Variants in TCF12 observed in about 807,000 individuals in gnomAD.
TCF12 encodes DNA-binding protein HTF4.
TCF12 carries 45 observed loss-of-function variants against 86.0 expected under a neutral mutation model. That is an observed-to-expected ratio of 0.52 (90% CI 0.41 to 0.67). The LOEUF is 0.67. Ranked by LOEUF, TCF12 falls within the 30% of genes least tolerant of loss-of-function variation. The pLI is 0.00. For synonymous variants in TCF12, 330 were observed against 299.6 expected (o/e 1.10, Z -1.05); for missense variants, 881 against 859.9 (o/e 1.02, Z -0.31).
chr15:57,214,510 T>A (rs1332013840), intron 8 of TCF12: 1 of 152,218 alleles, frequency 6.6e-6, no homozygotes, highest in Non-Finnish European at 1.5e-5. Flanking sequence ...ATTGGCTATA[T>A]AGGTAGGTGT....
At chr15:57,069,764 G>C (rs1223850715) in intron 4 of TCF12, among the ~76,000 whole-genome samples, 1 of 152,088 alleles carries the variant, frequency 6.6e-6, no homozygotes. Flanking sequence ...AGAACTTTAC[G>C]TTTTCTGCCA....
At chr15:57,226,995 ATTC>A (rs540204001) in intron 8 of TCF12, among the ~76,000 whole-genome samples, 53 of 152,248 alleles carry the variant, frequency 3.5e-4, no homozygotes, top group South Asian at 1.9e-3. Flanking sequence ...CATATAAAGC[ATTC>A]TTCTTATTTT....
chr15:56,958,890 C>G (rs975460280), intron 3 of TCF12, among the ~76,000 whole-genome samples: 1 of 151,924 alleles, frequency 6.6e-6, no homozygotes, highest in Non-Finnish European at 1.5e-5. Flanking sequence ...AAAATAAATT[C>G]AGCTTTTAAT....
chr15:57,168,472 A>G lies in TCF12; in HGVS notation c.390+2006A>G, dbSNP rs1362729549. On this transcript the variant is annotated intron_variant, in intron 6 of 20. Transcript: ENST00000333725. Reference sequence around the variant, plus strand: ...ATTCTGTATAGTTTTAGCAATATCCATTGATGAAAACCAAAATATCCTCTT... The same window carrying G: ...ATTCTGTATAGTTTTAGCAATATCCGTTGATGAAAACCAAAATATCCTCTT... Among the ~76,000 whole-genome samples, 3 of 152,230 alleles carry G rather than the reference A, an allele frequency of 2.0e-5. No individual in the cohort carries two copies. In the East Asian group the frequency reaches 5.8e-4, roughly 29 times the overall value.
intron 5 of TCF12, among the ~76,000 whole-genome samples, chr15:57,127,786 C>T (rs1476855339): frequency 6.6e-6 from 1 of 152,002 alleles, no homozygotes; most frequent in Admixed American, 6.6e-5. Flanking sequence ...ACTATTACGT[C>T]GGTTGATGAG....
intron 4 of TCF12, among the ~76,000 whole-genome samples, chr15:57,086,065 C>G (rs77622083): frequency 6.6e-6 from 1 of 152,102 alleles, no homozygotes; most frequent in East Asian, 1.9e-4. Flanking sequence ...CTAAAACCTC[C>G]TCCCCTCCCT....
intron 3 of TCF12, among the ~76,000 whole-genome samples, chr15:57,025,867 A>T (rs1387404799): frequency 6.6e-6 from 1 of 152,218 alleles, no homozygotes; most frequent in African/African-American, 2.4e-5. Context: ...CTTCGCTGAG[A>T]TGATGAATTC....
intron 3 of TCF12, among the ~76,000 whole-genome samples, chr15:56,964,174 C>G (rs1338884878): frequency 6.6e-6 from 1 of 152,118 alleles, no homozygotes; most frequent in African/African-American, 2.4e-5. Flanking sequence ...GAACAAGTTT[C>G]GAAGAATGTA....
chr15:57,202,200 CTT>C (rs2057575637), intron 8 of TCF12, among the ~76,000 whole-genome samples: 1 of 152,144 alleles, frequency 6.6e-6, no homozygotes, highest in African/African-American at 2.4e-5. Context: ...TACAACCTAA[CTT>C]AATATCAAAC....
chr15:57,166,528 T>A (rs1393705695), intron 6 of TCF12, 62 bp downstream of exon 6: 4 of 1,375,238 alleles, frequency 2.9e-6, no homozygotes, highest in Non-Finnish European at 4.0e-6. Context: ...AAAGGCTCTA[T>A]TAATAGATGA....
intron 3 of TCF12, among the ~76,000 whole-genome samples, chr15:57,046,747 T>C (rs747424498): frequency 2.0e-5 from 3 of 152,190 alleles, no homozygotes; most frequent in Non-Finnish European, 1.5e-5. Context: ...TGAGCCACCA[T>C]ACCTGGCTGA....
intron 3 of TCF12, among the ~76,000 whole-genome samples, chr15:57,037,857 TCTATTG>T (rs2066613351): frequency 6.6e-6 from 1 of 152,194 alleles, no homozygotes; most frequent in Admixed American, 6.5e-5. Flanking sequence ...GGACTTTATT[TCTATTG>T]CTAGTGCTAA....
chr15:56,939,547 T>C (rs4774246), intron 3 of TCF12, among the ~76,000 whole-genome samples: 110,292 of 152,118 alleles, frequency 0.73, 40,306 homozygotes, highest in East Asian at 0.79. Context: ...ACTATATGTA[T>C]ATTAGACAGA....
rs116119638 is a variant in TCF12, at chr15:57,174,471, G to C, written c.390+8005G>C. On this transcript the variant is annotated intron_variant, in intron 6 of 20. Coordinates refer to ENST00000333725, the MANE Select transcript of TCF12 (RefSeq NM_207037.2). Reference sequence around the variant, plus strand: ...GCTAACAGAATACTTAGTGATGAAAGACTAAATGCTTCCCACCTAATGTCA... The same window carrying C: ...GCTAACAGAATACTTAGTGATGAAACACTAAATGCTTCCCACCTAATGTCA... 7.4e-3 allele frequency among the ~76,000 whole-genome samples: 1,126 copies of C among 152,266 alleles called. 15 individuals carry two copies. The highest frequency in any genetic ancestry group is 0.026 in the African/African-American group (1,077 of 41,566).
chr15:56,970,395 G>A lies in TCF12; in HGVS notation c.148+49297G>A, dbSNP rs188442556. Among the ~76,000 whole-genome samples, 13 of 145,222 alleles carry A rather than the reference G, an allele frequency of 9.0e-5. No individual in the cohort carries two copies. In the East Asian group the frequency reaches 2.7e-3, roughly 31 times the overall value. On this transcript the variant is annotated intron_variant, in intron 3 of 20. Coordinates refer to ENST00000333725, the MANE Select transcript of TCF12 (RefSeq NM_207037.2). ...CTCGGGAGGTTGATGCAGGAGAATT[G>A]CTTGAATCCGGGAGGTGGAGGTTGC...
At chr15:57,219,542 C>T (rs771087403) in intron 8 of TCF12, 22 of 1,613,284 alleles carry the variant, frequency 1.4e-5, no homozygotes, top group Non-Finnish European at 1.9e-5. Context: ...CTTATCCTGT[C>T]CCTGGAATGG....
intron 4 of TCF12, 87 bp from the exon 5 acceptor site, chr15:57,091,702 G>A: frequency 1.1e-6 from 1 of 873,808 alleles, no homozygotes; most frequent in Non-Finnish European, 1.8e-6. Flanking sequence ...GTGTAAGTCT[G>A]TATATTAATT....
chr15:56,939,613 C>T (rs1475534820), intron 3 of TCF12, among the ~76,000 whole-genome samples: 2 of 152,128 alleles, frequency 1.3e-5, no homozygotes, highest in African/African-American at 4.8e-5. Flanking sequence ...CTGCACAGTA[C>T]CATGCTTTGA....
chr15:57,131,332 G>A lies in TCF12; in HGVS notation c.326-35070G>A, dbSNP rs2052100439. Among the ~76,000 whole-genome samples the A allele has an allele frequency of 2.0e-5, 3 of 152,132 alleles. No individual in the cohort carries two copies. The South Asian group carries it at 6.2e-4, about 32-fold the overall frequency. Reference sequence around the variant, plus strand: ...TATTTTGAGCTTTAACCGAGCTATTGCATGGAAAGCTCAACCTATGTGTTA... The same window carrying A: ...TATTTTGAGCTTTAACCGAGCTATTACATGGAAAGCTCAACCTATGTGTTA... On this transcript the variant is annotated intron_variant, in intron 5 of 20. Transcript: ENST00000333725.
Sources: allele counts gnomAD v4.1 joint callset (sites outside exome capture counted in the v4.1 genomes callset), GRCh38; gene constraint gnomAD v4.1.1; transcripts MANE v1.5; gene names NCBI Gene and HGNC (gene_info 2026-07-23, HGNC 2026-07-21).